DRC9: variants seen among roughly 807,000 people sequenced by gnomAD.
DRC9 encodes dynein regulatory complex subunit 9, also known as dynein regulatory complex protein 9.
At chr3:197,958,135 A>G in the DRC9 span, 1 of 152,220 alleles carries the variant, frequency 6.6e-6, no homozygotes, top group African/African-American at 2.4e-5. Context: ...TGGTGTGATC[A>G]TAGCTCACTG....
chr3:197,899,262 AATC>A, the DRC9 span, among the ~76,000 whole-genome samples: 2 of 152,348 alleles, frequency 1.3e-5, no homozygotes, highest in East Asian at 3.9e-4. Flanking sequence ...TAAAAAATAA[AATC>A]ATAATAATAA....
At chr3:197,955,781 A>G in the DRC9 span, 3 of 1,597,782 alleles carry the variant, frequency 1.9e-6, no homozygotes, top group South Asian at 3.3e-5. Flanking sequence ...TAAACTAACG[A>G]AAAATCAATA....
chr3:197,939,481 G>A, the DRC9 span, among the ~76,000 whole-genome samples: 3 of 152,152 alleles, frequency 2.0e-5, no homozygotes, highest in African/African-American at 4.8e-5. Flanking sequence ...TTAAGGGACC[G>A]CAGGAACGGC....
chr3:197,927,472 C>T, the DRC9 span, among the ~76,000 whole-genome samples: 2 of 152,148 alleles, frequency 1.3e-5, no homozygotes, highest in East Asian at 1.9e-4. Flanking sequence ...GTGATCCACC[C>T]GCCTTGGCCT....
At chr3:197,957,504 C>T in the DRC9 span, 1 of 143,228 alleles carries the variant, frequency 7.0e-6, no homozygotes, top group Admixed American at 7.3e-5. Flanking sequence ...GTCGTCTAGG[C>T]TGGAGTGCAG....
the DRC9 span, chr3:197,943,773 T>TA: frequency 1.2e-6 from 2 of 1,613,428 alleles, no homozygotes; most frequent in Admixed American, 1.7e-5. Context: ...TGAGTGGGTC[T>TA]ATACCACGCA....
At chr3:197,889,487 AT>A in the DRC9 span, 1 of 1,408,920 alleles carries the variant, frequency 7.1e-7, no homozygotes, top group Non-Finnish European at 1.0e-6. Context: ...CAACCTGTAG[AT>A]GAGTCATCTT....
the DRC9 span, among the ~76,000 whole-genome samples, chr3:197,946,617 T>C: frequency 0.3 from 46,073 of 151,856 alleles, 9,303 homozygotes; most frequent in African/African-American, 0.58. Flanking sequence ...GAGTTTCCAA[T>C]GTAAATTTGT....
chr3:197,898,920 A>G, the DRC9 span, among the ~76,000 whole-genome samples: 1 of 152,232 alleles, frequency 6.6e-6, no homozygotes, highest in African/African-American at 2.4e-5. Flanking sequence ...CAGTAAGAAA[A>G]AAGGAAAGAA....
At chr3:197,954,634 C>T in the DRC9 span, among the ~76,000 whole-genome samples, 27 of 152,094 alleles carry the variant, frequency 1.8e-4, no homozygotes, top group African/African-American at 5.3e-4. Context: ...CTCAGCCTCC[C>T]GAGTAGCTGG....
the DRC9 span, among the ~76,000 whole-genome samples, chr3:197,906,999 T>G: frequency 6.6e-6 from 1 of 152,216 alleles, no homozygotes; most frequent in African/African-American, 2.4e-5. Context: ...GCATTCTGAT[T>G]ACATCTCTGC....
the DRC9 span, chr3:197,951,193 C>G: frequency 6.2e-7 from 1 of 1,614,064 alleles, no homozygotes; most frequent in Non-Finnish European, 8.5e-7. Context: ...TGGCTATAAG[C>G]GGGGTCTCCG....
At chr3:197,921,534 A>G in the DRC9 span, among the ~76,000 whole-genome samples, 1 of 148,806 alleles carries the variant, frequency 6.7e-6, no homozygotes, top group East Asian at 2.0e-4. Context: ...GTTTTCAGTA[A>G]CTCCGGGGAT....
chr3:197,935,720 C>A, the DRC9 span, among the ~76,000 whole-genome samples: 2 of 151,948 alleles, frequency 1.3e-5, no homozygotes, highest in East Asian at 3.9e-4. Flanking sequence ...TAGCTTCAAG[C>A]ACTCCTCCCA....
chr3:197,926,859 A>G, the DRC9 span, among the ~76,000 whole-genome samples: 1 of 151,944 alleles, frequency 6.6e-6, no homozygotes, highest in Non-Finnish European at 1.5e-5. Context: ...TTCCCTCCCC[A>G]TTTTCTCTCA....
the DRC9 span, chr3:197,889,508 A>C: frequency 9.1e-6 from 14 of 1,533,524 alleles, no homozygotes; most frequent in Non-Finnish European, 1.3e-5. Context: ...TTGAGGTACC[A>C]GGTGTTTCTT....
the DRC9 span, chr3:197,938,937 G>A: frequency 1.9e-5 from 12 of 619,740 alleles, no homozygotes; most frequent in Admixed American, 1.5e-4. Flanking sequence ...AACCACACGC[G>A]CCCTGCTGCT....
the DRC9 span, among the ~76,000 whole-genome samples, chr3:197,901,910 G>T: frequency 6.6e-6 from 1 of 152,152 alleles, no homozygotes; most frequent in Admixed American, 6.5e-5. This position sits in a 1 kb window ranked among gnomAD's most constrained non-coding sequence, Gnocchi z 4.4. Context: ...AGTGGTTACA[G>T]CCTTGGGTGA....
the DRC9 span, among the ~76,000 whole-genome samples, chr3:197,923,723 G>A: frequency 1.3e-5 from 2 of 151,966 alleles, no homozygotes; most frequent in African/African-American, 2.4e-5. Flanking sequence ...AAGTGAGACC[G>A]TGTCTCAAAA....
Sources: gnomAD v4.1 joint callset for allele counts (sites outside exome capture counted in the v4.1 genomes callset) on GRCh38, gnomAD v4.1.1 for gene constraint, Gnocchi (gnomAD v3.1) non-coding constraint, MANE v1.5 for transcripts, NCBI Gene and HGNC (gene_info 2026-07-23, HGNC 2026-07-21) for gene names.